FER1L6: variants seen among roughly 807,000 people sequenced by gnomAD.
FER1L6 encodes fer-1-like protein 6.
Under a neutral mutation model 219.2 loss-of-function variants are expected in FER1L6, and 177 were observed. The observed-to-expected ratio is 0.81, with a 90% CI of 0.71 to 0.91. The LOEUF (loss-of-function observed/expected upper bound fraction) is 0.91, where lower values mean the gene tolerates loss of function less well. FER1L6 is among the 40% of genes least tolerant of loss of function. The pLI, the probability that FER1L6 is intolerant of heterozygous loss-of-function variation, is 0.00. For missense variants in FER1L6, 2,153 were observed against 2,259.9 expected (o/e 0.95, Z 0.96); for synonymous variants, 768 against 824.3 (o/e 0.93, Z 1.17).
At chr8:123,978,296 A>G (rs1010394974) in intron 10 of FER1L6, among the ~76,000 whole-genome samples, 1 of 152,208 alleles carries the variant, frequency 6.6e-6, no homozygotes, top group Non-Finnish European at 1.5e-5. Context: ...AAATGGTACC[A>G]ACAAAAATTG....
intron 17 of FER1L6, among the ~76,000 whole-genome samples, chr8:124,023,087 T>C (rs950602776): frequency 2.0e-5 from 3 of 152,150 alleles, no homozygotes; most frequent in Non-Finnish European, 2.9e-5. Context: ...AGCTAATTTT[T>C]GTATTTTTTA....
intron 38 of FER1L6, among the ~76,000 whole-genome samples, chr8:124,102,172 T>A (rs1822575040): frequency 6.6e-6 from 1 of 152,136 alleles, no homozygotes; most frequent in Non-Finnish European, 1.5e-5. Flanking sequence ...CATATCTGAC[T>A]CCCCCTTCCC....
intron 21 of FER1L6, 38 bp from the exon 22 acceptor site, chr8:124,049,569 T>A: frequency 1.2e-6 from 2 of 1,610,496 alleles, no homozygotes; most frequent in Non-Finnish European, 1.7e-6. Context: ...AGGTAATTAA[T>A]GATCAGGAAA....
intron 1 of FER1L6, among the ~76,000 whole-genome samples, chr8:123,894,871 G>C (rs888245575): frequency 1.3e-5 from 2 of 152,160 alleles, no homozygotes; most frequent in Non-Finnish European, 2.9e-5. Flanking sequence ...GATAGTAATG[G>C]AGTACAATCC....
chr8:123,976,198 G>A, intron 9 of FER1L6, 114 bp downstream of exon 9: 1 of 941,464 alleles, frequency 1.1e-6, no homozygotes, highest in East Asian at 2.7e-5. Flanking sequence ...GAAAGCAAAA[G>A]CTTGTTACAA....
At chr8:123,984,760 C>A (rs181291080) in intron 11 of FER1L6, 3 of 152,200 alleles carry the variant, frequency 2.0e-5, no homozygotes, top group Non-Finnish European at 2.9e-5. Context: ...AAGGGAGTAT[C>A]CTTCACCTAA....
intron 13 of FER1L6, among the ~76,000 whole-genome samples, chr8:124,006,385 C>T (rs1013416500): frequency 6.6e-6 from 1 of 152,070 alleles, no homozygotes; most frequent in Non-Finnish European, 1.5e-5. Context: ...TACAGTTGGG[C>T]TTTCTGTACA....
intron 3 of FER1L6, among the ~76,000 whole-genome samples, chr8:123,964,582 G>C (rs1490735162): frequency 1.3e-5 from 2 of 152,104 alleles, no homozygotes; most frequent in South Asian, 2.1e-4. Context: ...CTCTACCCTA[G>C]TCTCTGAATA....
At chr8:124,061,406 G>A (rs573378957) in intron 24 of FER1L6, among the ~76,000 whole-genome samples, 2 of 152,126 alleles carry the variant, frequency 1.3e-5, no homozygotes, top group African/African-American at 4.8e-5. Context: ...CAAACCTTTT[G>A]TATCAGGCTG....
chr8:124,013,337 A>T (rs939686670), intron 14 of FER1L6, 94 bp from the exon 15 acceptor site: 1 of 682,170 alleles, frequency 1.5e-6, no homozygotes, highest in African/African-American at 1.9e-5. Context: ...ACAAAAAAAA[A>T]ATAGCTGTTA....
intron 39 of FER1L6, among the ~76,000 whole-genome samples, chr8:124,114,142 T>G (rs958468089): frequency 6.6e-6 from 1 of 152,202 alleles, no homozygotes; most frequent in Non-Finnish European, 1.5e-5. Flanking sequence ...ACTATCATTT[T>G]TTCTCCATTT....
chr8:124,070,654 A>G (rs1328735849), intron 30 of FER1L6, 56 bp downstream of exon 30: 1 of 1,452,502 alleles, frequency 6.9e-7, no homozygotes, highest in African/African-American at 1.4e-5. Context: ...AATGTCAGCT[A>G]TGACTCGATT....
intron 1 of FER1L6, among the ~76,000 whole-genome samples, chr8:123,876,807 A>G (rs983297771): frequency 6.6e-6 from 1 of 152,166 alleles, no homozygotes; most frequent in African/African-American, 2.4e-5. Flanking sequence ...TATATGCTGC[A>G]TGAGGGCAGG....
intron 12 of FER1L6, among the ~76,000 whole-genome samples, chr8:123,990,347 C>A (rs1378274066): frequency 3.9e-5 from 6 of 152,208 alleles, no homozygotes; most frequent in Non-Finnish European, 8.8e-5. Flanking sequence ...CACCAGCAGT[C>A]TGTAAGCATT....
intron 2 of FER1L6, among the ~76,000 whole-genome samples, chr8:123,957,819 G>A (rs1815087709): frequency 6.6e-6 from 1 of 152,178 alleles, no homozygotes; most frequent in Admixed American, 6.5e-5. Flanking sequence ...AAACAGGGCA[G>A]GGAGGAATCA....
chr8:123,866,873 C>A (rs1816847385), intron 1 of FER1L6, among the ~76,000 whole-genome samples: 1 of 152,210 alleles, frequency 6.6e-6, no homozygotes, highest in South Asian at 2.1e-4. Context: ...CTGGCCTCAG[C>A]CTCCCAAAGT....
chr8:123,889,445 G>A (rs1008850314), intron 1 of FER1L6, among the ~76,000 whole-genome samples: 8 of 152,108 alleles, frequency 5.3e-5, no homozygotes, highest in Non-Finnish European at 1.0e-4. Context: ...GGGGAAATAT[G>A]TTTCTAAAGG....
intron 1 of FER1L6, among the ~76,000 whole-genome samples, chr8:123,884,317 A>G (rs542856024): frequency 6.6e-6 from 1 of 152,170 alleles, no homozygotes; most frequent in Non-Finnish European, 1.5e-5. Flanking sequence ...GCAGATTAGG[A>G]AAGTGAGGCA....
In FER1L6 at chr8:123,980,544, G is replaced by A. The variant is rs1486375431; in HGVS notation, c.1143G>A (p.Gln381=). The change falls in exon 11 of 41, where the codon CAG becomes CAA. Residue 381 remains glutamine, a synonymous_variant. Transcript: ENST00000522917. The stretch of plus-strand genomic sequence containing the variant: ...ACCACAGTCTGATGGATGACTACCA[G>A]GAAATGAACGAAGGCTTTGGGGAAG... The part of the protein sequence containing the change: ...PRNHSLMDDY[Q]EMNEGFGEGV... 6.2e-7 allele frequency: 1 copy of A among 1,614,140 alleles called. No individual in the cohort carries two copies. The highest frequency in any genetic ancestry group is 8.5e-7 in the Non-Finnish European group (1 of 1,180,012).
Sources: gnomAD v4.1 joint callset for allele counts (sites outside exome capture counted in the v4.1 genomes callset) on GRCh38, gnomAD v4.1.1 for gene constraint, MANE v1.5 for transcripts, NCBI Gene and HGNC (gene_info 2026-07-23, HGNC 2026-07-21) for gene names.